The following EPHA6 variants were observed in gnomAD, a reference collection of about 807,000 sequenced individuals.
EPHA6 encodes the protein ephrin type-A receptor 6.
Under a neutral mutation model 112.0 loss-of-function variants are expected in EPHA6, and 50 were observed. That is an observed-to-expected ratio of 0.45 (90% CI 0.36 to 0.56). The LOEUF (loss-of-function observed/expected upper bound fraction) is 0.56. Ranked by LOEUF, EPHA6 falls within the 20% of genes least tolerant of loss-of-function variation. The probability of loss-of-function intolerance (pLI) is 0.00; values close to 1 mark genes in which losing one functional copy is unlikely to be tolerated. For missense variants in EPHA6, 1,280 were observed against 1,417.4 expected (o/e 0.90, Z 1.56); for synonymous variants, 529 against 490.7 (o/e 1.08, Z -1.03).
intron 3 of EPHA6, among the ~76,000 whole-genome samples, chr3:97,077,438 G>A (rs996784420): frequency 1.3e-5 from 2 of 152,022 alleles, no homozygotes; most frequent in Admixed American, 6.6e-5. Context: ...TGTGCACAAC[G>A]TGCAGGCTCA....
rs1163114792 is a variant in EPHA6, at chr3:97,752,703, T to C, written c.*4002T>C. ...ATATGGGTTCTGGCTTTTCCTTAAC[T>C]TGAAATCAAGTTTTTGGAAAGTAAT... On this transcript the variant is annotated 3_prime_UTR_variant, in exon 18 of 18. Transcript: ENST00000389672. Among the ~76,000 whole-genome samples the C allele has an allele frequency of 2.0e-5, 3 of 152,222 alleles. No homozygotes were observed.
At chr3:96,944,920 A>G (rs2041174281) in intron 2 of EPHA6, among the ~76,000 whole-genome samples, 1 of 152,218 alleles carries the variant, frequency 6.6e-6, no homozygotes, top group Admixed American at 6.5e-5. Flanking sequence ...AGCCTAGGCG[A>G]CAGAGCGAGA....
intron 5 of EPHA6, among the ~76,000 whole-genome samples, chr3:97,342,678 A>G (rs1041269989): frequency 1.3e-5 from 2 of 151,980 alleles, no homozygotes; most frequent in Non-Finnish European, 2.9e-5. Context: ...AGATATAAGA[A>G]AGTTTGTCTC....
rs1289000543 is a variant in EPHA6, at chr3:97,020,500, T to G, written c.1114+32507T>G. 5.3e-5 allele frequency among the ~76,000 whole-genome samples: 8 copies of G among 151,910 alleles called. 1 individual carries two copies. The South Asian group carries it at 1.2e-3, about 24-fold the overall frequency. ...AGTCTGTTGGAGCATAGATGAAGAG[T>G]CAAGAAAATGCAGGATGGAGAGACA... On this transcript the variant is annotated intron_variant, in intron 3 of 17. Coordinates refer to ENST00000389672, the MANE Select transcript of EPHA6 (RefSeq NM_001080448.3).
intron 6 of EPHA6, among the ~76,000 whole-genome samples, chr3:97,431,369 T>C (rs2089494719): frequency 6.6e-6 from 1 of 152,088 alleles, no homozygotes; most frequent in East Asian, 1.9e-4. Context: ...GAATGTAAAA[T>C]TTTAGTTAAG....
chr3:97,546,291 C>G (rs1423338448), intron 11 of EPHA6, among the ~76,000 whole-genome samples: 1 of 152,170 alleles, frequency 6.6e-6, no homozygotes, highest in African/African-American at 2.4e-5. Flanking sequence ...ATTTGCTTGT[C>G]TGTAAAGGAT....
rs886739417 is a variant in EPHA6, at chr3:97,749,042, G to A, written c.*341G>A. On this transcript the variant is annotated 3_prime_UTR_variant, in exon 18 of 18. Transcript: ENST00000389672. ...AATTTATCCAGGTGGGGCTTCCTTAGTGATGTATGTAGAGTGTGATGGTAG... is the reference window on the plus strand; with the variant it reads ...AATTTATCCAGGTGGGGCTTCCTTAATGATGTATGTAGAGTGTGATGGTAG... 9.5e-6 allele frequency: 3 copies of A among 316,872 alleles called. No individual in the cohort carries two copies. Among genetic ancestry groups the A allele is most frequent in the Non-Finnish European group, 1.8e-5 (3 of 165,874 alleles). 19.6% of individuals were successfully genotyped at this position (316,872 alleles called of 1,614,324 possible). A position where few individuals can be genotyped will look rare whatever the true frequency, so the allele number is the denominator to read the frequency against.
In EPHA6 at chr3:97,615,348, G is replaced by A. The variant is rs565102310; in HGVS notation, c.2574+4494G>A. Among the ~76,000 whole-genome samples, 342 of 152,274 alleles carry A rather than the reference G, an allele frequency of 2.2e-3. 3 individuals carry two copies. The highest frequency in any genetic ancestry group is 7.6e-3 in the African/African-American group (316 of 41,574). ...GCTTTGCCGATTCACAGAGTCCTGG[G>A]AGCTTTATATACGTGGGCTCTGGGG... On this transcript the variant is annotated intron_variant, in intron 13 of 17. Transcript: ENST00000389672.
intron 2 of EPHA6, among the ~76,000 whole-genome samples, chr3:96,919,349 G>A (rs1183539744): frequency 6.6e-6 from 1 of 151,768 alleles, no homozygotes; most frequent in African/African-American, 2.4e-5. Flanking sequence ...TGAGAGCATG[G>A]ATTAAATGTA....
At chr3:97,117,319 A>G (rs1253257064) in intron 3 of EPHA6, among the ~76,000 whole-genome samples, 1 of 151,608 alleles carries the variant, frequency 6.6e-6, no homozygotes, top group Non-Finnish European at 1.5e-5. Context: ...GTGTAAGATT[A>G]TTAGTATGAG....
chr3:97,603,057 G>A (rs1010305463), intron 12 of EPHA6, among the ~76,000 whole-genome samples: 2 of 151,902 alleles, frequency 1.3e-5, no homozygotes, highest in African/African-American at 4.8e-5. Flanking sequence ...TTTTCTAAAT[G>A]TGAATGTAAT....
chr3:96,898,976 T>G (rs2038442586), intron 2 of EPHA6, among the ~76,000 whole-genome samples: 1 of 149,338 alleles, frequency 6.7e-6, no homozygotes, highest in African/African-American at 2.5e-5. Context: ...TGCAGTGAGT[T>G]GAGATCGCGC....
intron 7 of EPHA6, among the ~76,000 whole-genome samples, chr3:97,465,010 T>C (rs1017525749): frequency 1.3e-5 from 2 of 152,152 alleles, no homozygotes; most frequent in African/African-American, 4.8e-5. Flanking sequence ...AGGAAGATGC[T>C]TATCTTTCTA....
At chr3:97,414,632 G>A in intron 6 of EPHA6, among the ~76,000 whole-genome samples, 1 of 151,800 alleles carries the variant, frequency 6.6e-6, no homozygotes, top group East Asian at 1.9e-4. Flanking sequence ...TCAAATGAAA[G>A]GGAAAAAAAC....
chr3:97,021,305 G>T lies in EPHA6; in HGVS notation c.1114+33312G>T, dbSNP rs58081462. On this transcript the variant is annotated intron_variant, in intron 3 of 17. Coordinates refer to ENST00000389672, the MANE Select transcript of EPHA6 (RefSeq NM_001080448.3). ...TCTTTAAAATAATATCCAAACTCAG[G>T]GTCATGGCTCAGGATGACCTCTTCT... Among the ~76,000 whole-genome samples the T allele has an allele frequency of 3.0e-3, 452 of 152,048 alleles. 1 individual carries two copies. Among genetic ancestry groups the T allele is most frequent in the African/African-American group, 9.6e-3 (399 of 41,462 alleles).
intron 2 of EPHA6, among the ~76,000 whole-genome samples, chr3:96,947,987 G>C: frequency 6.6e-6 from 1 of 152,102 alleles, no homozygotes; most frequent in East Asian, 1.9e-4. Context: ...CACGCTACCT[G>C]ACTTGAAACT....
At chr3:97,222,163 A>G (rs182491454) in intron 3 of EPHA6, among the ~76,000 whole-genome samples, 2 of 152,292 alleles carry the variant, frequency 1.3e-5, no homozygotes, top group Admixed American at 1.3e-4. Flanking sequence ...TAAAGCTGAG[A>G]TAACACTCGA....
chr3:97,042,131 G>A (rs890711812), intron 3 of EPHA6, among the ~76,000 whole-genome samples: 2 of 152,118 alleles, frequency 1.3e-5, no homozygotes, highest in Non-Finnish European at 1.5e-5. Flanking sequence ...ATGTTGAATT[G>A]TAATCCTCAG....
At chr3:96,995,781 A>G (rs992578224) in intron 3 of EPHA6, among the ~76,000 whole-genome samples, 1 of 152,178 alleles carries the variant, frequency 6.6e-6, no homozygotes, top group African/African-American at 2.4e-5. Flanking sequence ...GCTAACAATC[A>G]TCTGAGCCTT....
Sources: allele counts gnomAD v4.1 joint callset (sites outside exome capture counted in the v4.1 genomes callset), GRCh38; gene constraint gnomAD v4.1.1; transcripts MANE v1.5; gene names NCBI Gene and HGNC (gene_info 2026-07-23, HGNC 2026-07-21).